The following RAPGEF6 variants were observed in gnomAD, a reference collection of about 807,000 sequenced individuals.
RAPGEF6 encodes the protein PDZ domain containing guanine nucleotide exchange factor (GEF) 2.
Under a neutral mutation model 171.4 loss-of-function variants are expected in RAPGEF6, and 56 were observed. The ratio of observed to expected loss-of-function variants is 0.33; its 90% CI spans 0.26 to 0.41. The LOEUF is 0.41. Among genes scored for constraint, RAPGEF6 ranks in the 10% least tolerant of loss-of-function variants. The pLI, the probability that RAPGEF6 is intolerant of heterozygous loss-of-function variation, is 1.00. For missense variants in RAPGEF6, 1,674 were observed against 1,921.4 expected (o/e 0.87, Z 2.41); for synonymous variants, 692 against 650.1 (o/e 1.06, Z -0.98).
intron 4 of RAPGEF6, among the ~76,000 whole-genome samples, chr5:131,570,942 CTTTTT>C (rs767023216): frequency 7.8e-6 from 1 of 128,552 alleles, no homozygotes; most frequent in Admixed American, 7.9e-5. Context: ...TCCCCAACTA[CTTTTT>C]TTTTTTTTTT....
intron 11 of RAPGEF6, among the ~76,000 whole-genome samples, chr5:131,502,357 T>A (rs1458115634): frequency 6.6e-6 from 1 of 152,254 alleles, no homozygotes; most frequent in Non-Finnish European, 1.5e-5. Context: ...GATAGTATTT[T>A]GATACTGTCA....
intron 21 of RAPGEF6, chr5:131,447,000 A>C: frequency 3.5e-6 from 1 of 286,700 alleles, no homozygotes. Context: ...TAACAAGAAA[A>C]AGCATTCCTC....
chr5:131,524,609 T>TGAGA (rs55956395), intron 6 of RAPGEF6, among the ~76,000 whole-genome samples: 6,793 of 134,866 alleles, frequency 0.05, 410 homozygotes, highest in African/African-American at 0.14. Flanking sequence ...AGAGAGAGAT[T>TGAGA]GAGAGAGAGA....
intron 6 of RAPGEF6, among the ~76,000 whole-genome samples, chr5:131,536,758 A>T (rs1409642842): frequency 6.6e-6 from 1 of 152,194 alleles, no homozygotes; most frequent in Non-Finnish European, 1.5e-5. Flanking sequence ...GCATCTTCAT[A>T]CCTGCACAAA....
At chr5:131,584,580 G>A (rs1285782152) in intron 4 of RAPGEF6, among the ~76,000 whole-genome samples, 4 of 152,162 alleles carry the variant, frequency 2.6e-5, no homozygotes, top group Admixed American at 2.6e-4. Flanking sequence ...TATTCCAAAA[G>A]TCACAAGATT....
At chr5:131,609,511 A>G (rs984679368) in intron 1 of RAPGEF6, among the ~76,000 whole-genome samples, 9 of 152,214 alleles carry the variant, frequency 5.9e-5, no homozygotes, top group Non-Finnish European at 1.0e-4. Context: ...ATAAAAAAGG[A>G]TATCCCAGAA....
At chr5:131,589,271 G>A (rs1452262397) in intron 4 of RAPGEF6, among the ~76,000 whole-genome samples, 1 of 152,174 alleles carries the variant, frequency 6.6e-6, no homozygotes, top group Non-Finnish European at 1.5e-5. Flanking sequence ...TAGAAACAAA[G>A]ACTGTAGTAA....
chr5:131,586,509 T>C (rs1338257052), intron 4 of RAPGEF6, among the ~76,000 whole-genome samples: 1 of 152,168 alleles, frequency 6.6e-6, no homozygotes, highest in Non-Finnish European at 1.5e-5. Flanking sequence ...CACGCACCTG[T>C]GGTCCCATCT....
intron 6 of RAPGEF6, among the ~76,000 whole-genome samples, chr5:131,542,313 T>C (rs1760205079): frequency 2.0e-5 from 3 of 152,170 alleles, no homozygotes; most frequent in Non-Finnish European, 4.4e-5. Context: ...AGGATGCTAC[T>C]AACATTACTA....
rs117309885 is a variant in RAPGEF6, at chr5:131,437,901, A to C, written c.3745+1680T>G. 4.6e-5 allele frequency among the ~76,000 whole-genome samples: 7 copies of C among 152,330 alleles called. No individual in the cohort carries two copies. In the East Asian group the frequency reaches 1.3e-3, roughly 29 times the overall value. ...ATAAATATTATTTCATTTAAACCAC[A>C]TAAGAGGCTGTTAAAATAGATGGTC... On this transcript the variant is annotated intron_variant, in intron 24 of 27. Transcript: ENST00000509018.
rs963423841 is a variant in RAPGEF6, at chr5:131,546,640, A to G, written c.495+1407T>C. The stretch of plus-strand genomic sequence containing the variant: ...ATAAATAAATAATGAAGAACTGGAA[A>G]GAATGTAACTTATCAAATATCAAGA... On this transcript the variant is annotated intron_variant, in intron 6 of 27. Transcript: ENST00000509018. 1.6e-4 allele frequency among the ~76,000 whole-genome samples: 24 copies of G among 152,084 alleles called. 1 individual carries two copies. The highest frequency in any genetic ancestry group is 5.6e-4 in the African/African-American group (23 of 41,432).
At chr5:131,632,451 C>T (rs1015598533) in intron 1 of RAPGEF6, among the ~76,000 whole-genome samples, 1 of 152,182 alleles carries the variant, frequency 6.6e-6, no homozygotes, top group Non-Finnish European at 1.5e-5. Flanking sequence ...TGCAACCCAG[C>T]CCTTGCCCCT....
chr5:131,457,535 C>A (rs1036823935), intron 19 of RAPGEF6, among the ~76,000 whole-genome samples: 2 of 152,352 alleles, frequency 1.3e-5, no homozygotes, highest in South Asian at 4.1e-4. Flanking sequence ...ACAAGGCTAA[C>A]TCCTGCTACC....
intron 15 of RAPGEF6, among the ~76,000 whole-genome samples, chr5:131,487,559 C>G (rs962317041): frequency 1.1e-4 from 16 of 152,034 alleles, no homozygotes; most frequent in Non-Finnish European, 4.4e-5. Flanking sequence ...ATTTACAATC[C>G]TTTAGCTAGA....
intron 1 of RAPGEF6, among the ~76,000 whole-genome samples, chr5:131,613,656 T>C (rs966476361): frequency 6.6e-6 from 1 of 151,952 alleles, no homozygotes; most frequent in African/African-American, 2.4e-5. Context: ...CAAAAATAGC[T>C]GGTCATATTT....
intron 5 of RAPGEF6, 100 bp from the exon 6 acceptor site, chr5:131,548,290 T>G (rs1005451503): frequency 8.2e-7 from 1 of 1,220,878 alleles, no homozygotes; most frequent in Non-Finnish European, 1.1e-6. Context: ...TTCATTTACT[T>G]CTTACAAGAA....
At chr5:131,624,018 A>G (rs550617588) in intron 1 of RAPGEF6, among the ~76,000 whole-genome samples, 2 of 152,350 alleles carry the variant, frequency 1.3e-5, no homozygotes, top group East Asian at 1.9e-4. Flanking sequence ...AAGGATGCAC[A>G]ATTCTGCAAA....
intron 23 of RAPGEF6, chr5:131,440,252 G>C (rs760411820): frequency 3.9e-5 from 18 of 456,018 alleles, no homozygotes; most frequent in African/African-American, 6.0e-5. Context: ...GTAAACAACA[G>C]AAAAAATCAT....
At chr5:131,484,095 C>CAAA (rs757936744) in intron 15 of RAPGEF6, among the ~76,000 whole-genome samples, 1 of 42,076 alleles carries the variant, frequency 2.4e-5, no homozygotes. Context: ...GACTCCATCT[C>CAAA]AAAAAAAAAA....
Sources: gnomAD v4.1 joint callset for allele counts (sites outside exome capture counted in the v4.1 genomes callset) on GRCh38, gnomAD v4.1.1 for gene constraint, MANE v1.5 for transcripts, NCBI Gene and HGNC (gene_info 2026-07-23, HGNC 2026-07-21) for gene names.